Variants in PRMT3 observed in about 807,000 individuals in gnomAD.
PRMT3 encodes the protein protein arginine methyltransferase 3.
PRMT3 carries 62 observed loss-of-function variants against 71.9 expected under a neutral mutation model. The observed-to-expected ratio is 0.86, with a 90% confidence interval of 0.70 to 1.07. PRMT3 has a LOEUF of 1.07. Ranked by LOEUF, PRMT3 falls within the 50% of genes least tolerant of loss-of-function variation. The pLI is 0.00. For synonymous variants in PRMT3, 213 were observed against 220.4 expected, an observed-to-expected ratio of 0.97 and a Z score of 0.30; for missense variants, 663 against 643.0, an observed-to-expected ratio of 1.03 and a Z score of -0.34.
At chr11:20,395,324 G>A (rs187211025) in intron 5 of PRMT3, among the ~76,000 whole-genome samples, 1 of 151,896 alleles carries the variant, frequency 6.6e-6, no homozygotes, top group African/African-American at 2.4e-5. Context: ...TTAAAATAGT[G>A]TAGATGATAA....
At chr11:20,422,242 A>G (rs1454773523) in intron 9 of PRMT3, among the ~76,000 whole-genome samples, 1 of 152,102 alleles carries the variant, frequency 6.6e-6, no homozygotes, top group Non-Finnish European at 1.5e-5. Context: ...GTTTATGCCA[A>G]CAGTGAATCA....
intron 10 of PRMT3, among the ~76,000 whole-genome samples, chr11:20,436,658 G>C (rs560050540): frequency 4.6e-5 from 7 of 151,488 alleles, no homozygotes; most frequent in Non-Finnish European, 8.8e-5. Context: ...GTGATCTTCT[G>C]ATGTGCCACA....
intron 13 of PRMT3, among the ~76,000 whole-genome samples, chr11:20,493,131 C>CAA (rs34491523): frequency 1.8e-3 from 267 of 146,278 alleles, no homozygotes; most frequent in South Asian, 3.9e-3. Context: ...GACTCCATGT[C>CAA]AAAAAAAAAA....
chr11:20,494,395 G>A, intron 15 of PRMT3, 141 bp downstream of exon 15: 1 of 736,162 alleles, frequency 1.4e-6, no homozygotes. Flanking sequence ...CTGGAGAACA[G>A]TGATCTCGGC....
intron 7 of PRMT3, among the ~76,000 whole-genome samples, chr11:20,401,033 T>C (rs1162080214): frequency 6.6e-6 from 1 of 152,148 alleles, no homozygotes; most frequent in African/African-American, 2.4e-5. Flanking sequence ...CAAGACACTA[T>C]GTTTTGTATA....
At chr11:20,462,696 G>T (rs2133402718) in intron 12 of PRMT3, among the ~76,000 whole-genome samples, 1 of 151,974 alleles carries the variant, frequency 6.6e-6, no homozygotes, top group South Asian at 2.1e-4. Flanking sequence ...CTTATTTTTT[G>T]CCATGTTAAT....
At chr11:20,392,694 TA>T (rs912679670) in intron 4 of PRMT3, among the ~76,000 whole-genome samples, 35 of 150,460 alleles carry the variant, frequency 2.3e-4, no homozygotes, top group Non-Finnish European at 3.8e-4. Flanking sequence ...ATCCAAACAG[TA>T]AAAAAAACTC....
Position 20,388,029 on chromosome 11 carries a change from C to T in PRMT3, c.39C>T (p.Gly13=). 2 of 1,613,938 alleles carry T rather than the reference C, an allele frequency of 1.2e-6. No homozygotes were observed. Among genetic ancestry groups the T allele is most frequent in the South Asian group, 2.2e-5 (2 of 91,078 alleles). The change falls in exon 2 of 16, where the codon GGC becomes GGT. Residue 13 remains glycine (G), a synonymous_variant. Coordinates refer to ENST00000331079, the MANE Select transcript of PRMT3 (RefSeq NM_005788.4). ...SLASGATGGR[G]AVENEEDLPE... The stretch of plus-strand genomic sequence containing the variant: ...GTGTGTGTGTGTTAGGCGGCCGGGG[C>T]GCTGTGGAGAATGAGGAGGACCTGC...
intron 9 of PRMT3, among the ~76,000 whole-genome samples, chr11:20,416,517 G>T (rs78146814): frequency 0.029 from 4,374 of 152,102 alleles, 215 homozygotes; most frequent in African/African-American, 0.099. Context: ...GGCATTCAGT[G>T]TAAGTACTTA....
At chr11:20,496,599 G>A (rs1409204406) in intron 15 of PRMT3, among the ~76,000 whole-genome samples, 2 of 125,362 alleles carry the variant, frequency 1.6e-5, no homozygotes, top group African/African-American at 3.0e-5. Context: ...ATAGAAATAG[G>A]ATTAGGGCAG....
chr11:20,407,855 A>G (rs1849105108), intron 8 of PRMT3, 56 bp from the exon 9 acceptor site: 4 of 1,486,860 alleles, frequency 2.7e-6, no homozygotes, highest in Non-Finnish European at 3.7e-6. Context: ...AGAATTTAAT[A>G]TAGAGACCTT....
chr11:20,463,143 T>G (rs1461223262), intron 12 of PRMT3, among the ~76,000 whole-genome samples: 1 of 152,212 alleles, frequency 6.6e-6, no homozygotes, highest in African/African-American at 2.4e-5. Context: ...TCTTCTCGTT[T>G]TAATCACGCT....
intron 3 of PRMT3, among the ~76,000 whole-genome samples, chr11:20,391,685 T>A (rs1331444417): frequency 2.0e-5 from 3 of 152,190 alleles, no homozygotes; most frequent in Non-Finnish European, 4.4e-5. Context: ...GACAAATAAT[T>A]GGTTGGTTGG....
At chr11:20,423,515 A>G (rs911061989) in intron 9 of PRMT3, among the ~76,000 whole-genome samples, 3 of 152,174 alleles carry the variant, frequency 2.0e-5, no homozygotes, top group Non-Finnish European at 4.4e-5. Flanking sequence ...AACAGAGATC[A>G]TATGTCCTGC....
chr11:20,505,651 T>C (rs986823502), intron 15 of PRMT3, among the ~76,000 whole-genome samples: 1 of 152,188 alleles, frequency 6.6e-6, no homozygotes, highest in African/African-American at 2.4e-5. Context: ...AGTTTTTAAA[T>C]GTTGATTTAA....
At chr11:20,486,831 C>G (rs934783390) in intron 13 of PRMT3, among the ~76,000 whole-genome samples, 1 of 152,000 alleles carries the variant, frequency 6.6e-6, no homozygotes, top group Non-Finnish European at 1.5e-5. Flanking sequence ...GCGAAGCAGG[C>G]AGGTGGCTTG....
chr11:20,444,187 T>TTG (rs2133377094), intron 10 of PRMT3, among the ~76,000 whole-genome samples: 1 of 152,288 alleles, frequency 6.6e-6, no homozygotes, highest in Non-Finnish European at 1.5e-5. Context: ...TTAACCCTAT[T>TTG]ACTCAGGACC....
intron 11 of PRMT3, among the ~76,000 whole-genome samples, chr11:20,458,403 A>T (rs908373639): frequency 6.6e-6 from 1 of 152,220 alleles, no homozygotes; most frequent in Non-Finnish European, 1.5e-5. Context: ...GAGCCATTCT[A>T]GTGACAAATG....
intron 15 of PRMT3, among the ~76,000 whole-genome samples, chr11:20,504,922 A>G (rs1247817319): frequency 1.3e-5 from 2 of 152,068 alleles, no homozygotes; most frequent in Non-Finnish European, 2.9e-5. Context: ...TAGTAGAGAC[A>G]GAGTTTTGCC....
Sources: gnomAD v4.1 joint callset for allele counts (sites outside exome capture counted in the v4.1 genomes callset) on GRCh38, gnomAD v4.1.1 for gene constraint, MANE v1.5 for transcripts, NCBI Gene and HGNC (gene_info 2026-07-23, HGNC 2026-07-21) for gene names.